The following THSD7B variants were observed in gnomAD, a reference collection of about 807,000 sequenced individuals.
The protein encoded by THSD7B is thrombospondin type-1 domain-containing protein 7B.
THSD7B carries 138 observed loss-of-function variants against 213.6 expected under a neutral mutation model. The ratio of observed to expected loss-of-function variants is 0.65; its 90% CI spans 0.56 to 0.74. THSD7B has a LOEUF of 0.74. THSD7B is among the 30% of genes least tolerant of loss of function. The probability of loss-of-function intolerance (pLI) is 0.00; values close to 1 mark genes in which losing one functional copy is unlikely to be tolerated. For missense variants in THSD7B, 1,931 were observed against 1,991.5 expected (o/e 0.97, Z 0.58); for synonymous variants, 742 against 687.0 (o/e 1.08, Z -1.25).
In THSD7B at chr2:137,079,473, A is replaced by C. The variant is rs192270533; in HGVS notation, c.951-15400A>C. Among the ~76,000 whole-genome samples the C allele has an allele frequency of 8.1e-4, 123 of 152,156 alleles. 1 individual carries two copies. Among genetic ancestry groups the C allele is most frequent in the Admixed American group, 2.9e-3 (44 of 15,292 alleles). On this transcript the variant is annotated intron_variant, in intron 3 of 27. Transcript: ENST00000409968. ...TAACTTTACATTCTAAAGTGTTTTT[A>C]TTTGTCTCTTCTAATGCTTTTTGTC...
chr2:137,579,848 C>CT (rs1187745121), intron 17 of THSD7B, among the ~76,000 whole-genome samples: 1 of 151,960 alleles, frequency 6.6e-6, no homozygotes, highest in Non-Finnish European at 1.5e-5. Flanking sequence ...GTTTGTACAC[C>CT]TTTATAAACA....
intron 14 of THSD7B, among the ~76,000 whole-genome samples, chr2:137,449,099 C>T (rs1053197371): frequency 6.6e-6 from 1 of 151,562 alleles, no homozygotes; most frequent in Non-Finnish European, 1.5e-5. Flanking sequence ...ATCTTTTTTC[C>T]CCCCCTCAAA....
At chr2:137,185,246 C>CTT (rs34010278) in intron 7 of THSD7B, among the ~76,000 whole-genome samples, 11 of 146,074 alleles carry the variant, frequency 7.5e-5, no homozygotes, top group African/African-American at 2.3e-4. Context: ...TCTCTAGTGC[C>CTT]TTTTTTTTTT....
At chr2:137,011,518 G>A (rs1339236787) in intron 2 of THSD7B, among the ~76,000 whole-genome samples, 1 of 152,150 alleles carries the variant, frequency 6.6e-6, no homozygotes, top group East Asian at 1.9e-4. Context: ...CTCATCTGCA[G>A]TTGTAACAAG....
intron 15 of THSD7B, among the ~76,000 whole-genome samples, chr2:137,455,967 T>G (rs1248432205): frequency 1.3e-5 from 2 of 152,202 alleles, no homozygotes; most frequent in Admixed American, 6.5e-5. Context: ...AACTATATAT[T>G]TTGTTTATTA....
chr2:136,933,917 A>G (rs761177255), intron 2 of THSD7B, among the ~76,000 whole-genome samples: 49 of 152,200 alleles, frequency 3.2e-4, no homozygotes, highest in Admixed American at 1.3e-4. Context: ...TTCCAAATTC[A>G]TAGCTATTTA....
chr2:137,189,111 A>G (rs1358616544), intron 7 of THSD7B, among the ~76,000 whole-genome samples: 12 of 151,902 alleles, frequency 7.9e-5, no homozygotes, highest in Admixed American at 7.2e-4. Flanking sequence ...GCCAATTCCC[A>G]TCTCATCTTC....
chr2:137,595,312 G>C (rs753167714), intron 17 of THSD7B, among the ~76,000 whole-genome samples: 30 of 151,930 alleles, frequency 2.0e-4, no homozygotes, highest in Non-Finnish European at 8.8e-5. Flanking sequence ...GTCTGTCAAA[G>C]TTTCTTCTTT....
intron 2 of THSD7B, among the ~76,000 whole-genome samples, chr2:137,036,755 A>G (rs1435190154): frequency 2.0e-5 from 3 of 152,192 alleles, no homozygotes; most frequent in Non-Finnish European, 2.9e-5. Context: ...ATATTTGCAT[A>G]GTGTAATGCC....
intron 5 of THSD7B, among the ~76,000 whole-genome samples, chr2:137,140,832 A>C (rs1157714772): frequency 6.6e-6 from 1 of 152,198 alleles, no homozygotes; most frequent in Non-Finnish European, 1.5e-5. Context: ...AAAAGGAATA[A>C]GTGTGATACA....
At chr2:136,830,307 A>G (rs1401029694) in intron 1 of THSD7B, among the ~76,000 whole-genome samples, 1 of 152,186 alleles carries the variant, frequency 6.6e-6, no homozygotes, top group East Asian at 1.9e-4. Context: ...ACATTAAGTC[A>G]AAAGATGGAA....
intron 3 of THSD7B, among the ~76,000 whole-genome samples, chr2:137,071,964 T>C (rs570224444): frequency 6.6e-6 from 1 of 152,372 alleles, no homozygotes; most frequent in South Asian, 2.1e-4. Flanking sequence ...TCCATTGGTC[T>C]ATATCTCTGT....
chr2:136,916,022 C>T (rs1684342319), intron 2 of THSD7B, among the ~76,000 whole-genome samples: 1 of 152,184 alleles, frequency 6.6e-6, no homozygotes, highest in African/African-American at 2.4e-5. Context: ...AAGAACTATA[C>T]CAGCTTTCCC....
chr2:136,927,974 T>C (rs893193225), intron 2 of THSD7B, among the ~76,000 whole-genome samples: 1 of 152,326 alleles, frequency 6.6e-6, no homozygotes, highest in African/African-American at 2.4e-5. Flanking sequence ...GAGAGGGAGA[T>C]AGGAGTTTAT....
chr2:137,562,493 C>T (rs1391975655), intron 15 of THSD7B, among the ~76,000 whole-genome samples: 1 of 151,806 alleles, frequency 6.6e-6, no homozygotes, highest in African/African-American at 2.4e-5. Context: ...AGGAAGTAAC[C>T]TAAGAATTCA....
At chr2:137,495,208 A>G (rs548184873) in intron 15 of THSD7B, among the ~76,000 whole-genome samples, 89 of 152,302 alleles carry the variant, frequency 5.8e-4, no homozygotes, top group African/African-American at 1.7e-3. Flanking sequence ...ACTTTAATAA[A>G]TATACTATTT....
At chr2:137,659,538 A>C in intron 24 of THSD7B, 126 bp from the exon 25 acceptor site, 1 of 811,340 alleles carries the variant, frequency 1.2e-6, no homozygotes, top group Non-Finnish European at 1.9e-6. Flanking sequence ...AATGTTGGCA[A>C]ATAGATTTTT....
intron 21 of THSD7B, among the ~76,000 whole-genome samples, chr2:137,648,042 G>A (rs187984661): frequency 3.9e-4 from 60 of 152,138 alleles, no homozygotes; most frequent in East Asian, 7.7e-4. Flanking sequence ...GACTAAAATC[G>A]AAGATACTCA....
At chr2:137,233,894 A>G (rs1681700329) in intron 9 of THSD7B, among the ~76,000 whole-genome samples, 1 of 152,210 alleles carries the variant, frequency 6.6e-6, no homozygotes, top group Non-Finnish European at 1.5e-5. Flanking sequence ...TGACTGTTCT[A>G]TCTGGAAAGA....
Sources: allele counts gnomAD v4.1 joint callset (sites outside exome capture counted in the v4.1 genomes callset), GRCh38; gene constraint gnomAD v4.1.1; transcripts MANE v1.5; gene names NCBI Gene and HGNC (gene_info 2026-07-23, HGNC 2026-07-21).